Variants in LRRC1 observed in about 807,000 individuals in gnomAD.
LRRC1 encodes leucine-rich repeat-containing protein 1.
A neutral mutation model predicts 69.9 loss-of-function variants in LRRC1; 28 were observed. The ratio of observed to expected loss-of-function variants is 0.40; its 90% confidence interval spans 0.30 to 0.55. The LOEUF is 0.55. Among genes scored for constraint, LRRC1 ranks in the 20% least tolerant of loss-of-function variants. LRRC1 has a pLI of 0.47. For missense variants in LRRC1, 498 were observed against 609.0 expected (o/e 0.82, Z 1.92); for synonymous variants, 236 against 240.2 (o/e 0.98, Z 0.16).
chr6:53,839,260 G>A (rs376078065), intron 1 of LRRC1, among the ~76,000 whole-genome samples: 1 of 151,654 alleles, frequency 6.6e-6, no homozygotes, highest in African/African-American at 2.4e-5. Flanking sequence ...TTTCTTTTAC[G>A]TATTGCTCAA....
At chr6:53,819,589 G>A (rs1765056163) in intron 1 of LRRC1, among the ~76,000 whole-genome samples, 1 of 152,108 alleles carries the variant, frequency 6.6e-6, no homozygotes, top group South Asian at 2.1e-4. Flanking sequence ...CCACAGGATT[G>A]TAAAGTCAAT....
intron 7 of LRRC1, 116 bp downstream of exon 7, chr6:53,897,475 T>C (rs1206452561): frequency 1.5e-6 from 1 of 689,628 alleles, no homozygotes; most frequent in Admixed American, 3.2e-5. Context: ...CCAAAAACAT[T>C]GATTGAAAAG....
At position 53,853,199 on chromosome 6, in the gene LRRC1, T is replaced by C. The variant is rs185473283; in HGVS notation, c.277+10972T>C. Among the ~76,000 whole-genome samples, 17 of 152,126 alleles carry C rather than the reference T, an allele frequency of 1.1e-4. 1 individual carries two copies. The highest frequency in any genetic ancestry group is 9.8e-4 in the Admixed American group (15 of 15,276). On this transcript the variant is annotated intron_variant, in intron 2 of 13. Transcript: ENST00000370888. ...CCAAAGGCTATACCTTTTAATAGTATCACATTGGGCATTCATTTTGAACAG... is the reference window on the plus strand; with the variant it reads ...CCAAAGGCTATACCTTTTAATAGTACCACATTGGGCATTCATTTTGAACAG...
chr6:53,846,922 A>G (rs913212454), intron 2 of LRRC1, among the ~76,000 whole-genome samples: 1 of 152,230 alleles, frequency 6.6e-6, no homozygotes, highest in Non-Finnish European at 1.5e-5. Flanking sequence ...AGACTTTCTT[A>G]ATGCTTCATG....
chr6:53,854,531 T>C (rs1201761625), intron 2 of LRRC1, among the ~76,000 whole-genome samples: 4 of 152,208 alleles, frequency 2.6e-5, no homozygotes, highest in African/African-American at 9.6e-5. Flanking sequence ...TCTCATTTAA[T>C]CTTCAAACTG....
chr6:53,856,858 C>A (rs1766325374), intron 2 of LRRC1, among the ~76,000 whole-genome samples: 1 of 151,974 alleles, frequency 6.6e-6, no homozygotes, highest in Non-Finnish European at 1.5e-5. Context: ...GGGTGGAGGG[C>A]CTTGAGAGGG....
At chr6:53,840,869 TG>T (rs944313160) in intron 1 of LRRC1, among the ~76,000 whole-genome samples, 5 of 138,182 alleles carry the variant, frequency 3.6e-5, no homozygotes, top group African/African-American at 1.3e-4. Context: ...TCCTCTGGGG[TG>T]GGGGGGTATG....
At chr6:53,864,839 G>A (rs961521935) in intron 2 of LRRC1, among the ~76,000 whole-genome samples, 9 of 152,226 alleles carry the variant, frequency 5.9e-5, no homozygotes, top group Middle Eastern at 3.4e-3. Context: ...TACCACTTAT[G>A]TCTAAAGTGG....
chr6:53,876,373 C>G (rs1240887171), intron 2 of LRRC1, among the ~76,000 whole-genome samples: 1 of 152,142 alleles, frequency 6.6e-6, no homozygotes, highest in Non-Finnish European at 1.5e-5. Flanking sequence ...CAAACCATAT[C>G]ATTCTGCCCC....
At chr6:53,891,809 T>C (rs1208670862) in intron 4 of LRRC1, among the ~76,000 whole-genome samples, 1 of 151,954 alleles carries the variant, frequency 6.6e-6, no homozygotes, top group African/African-American at 2.4e-5. Context: ...CTGTCTGGTC[T>C]GGTGAAACCC....
chr6:53,921,283 G>T (rs540877869), intron 13 of LRRC1, among the ~76,000 whole-genome samples: 6 of 152,174 alleles, frequency 3.9e-5, no homozygotes, highest in African/African-American at 1.4e-4. Flanking sequence ...TTGTTGTGTT[G>T]TCCTGCTTTT....
chr6:53,918,167 T>C (rs1321183544), intron 11 of LRRC1, among the ~76,000 whole-genome samples: 1 of 152,246 alleles, frequency 6.6e-6, no homozygotes, highest in African/African-American at 2.4e-5. Flanking sequence ...AATCTTATAA[T>C]GTACAATTCA....
At chr6:53,864,257 C>T (rs1766623344) in intron 2 of LRRC1, among the ~76,000 whole-genome samples, 1 of 152,108 alleles carries the variant, frequency 6.6e-6, no homozygotes, top group African/African-American at 2.4e-5. Context: ...TCTTGTTCCC[C>T]TCCTCATAAC....
intron 2 of LRRC1, among the ~76,000 whole-genome samples, chr6:53,855,423 C>G (rs959072827): frequency 2.0e-5 from 3 of 152,208 alleles, no homozygotes; most frequent in African/African-American, 7.2e-5. Flanking sequence ...TAACTCAACA[C>G]AGGCCCAACA....
chr6:53,857,165 T>C (rs1766336931), intron 2 of LRRC1, among the ~76,000 whole-genome samples: 1 of 152,120 alleles, frequency 6.6e-6, no homozygotes. Context: ...GAGTCATCCA[T>C]CTGTCGGTGA....
chr6:53,801,471 T>C (rs1460877536), intron 1 of LRRC1, among the ~76,000 whole-genome samples: 1 of 152,228 alleles, frequency 6.6e-6, no homozygotes, highest in Non-Finnish European at 1.5e-5. Context: ...AAGTCAAAGC[T>C]TAGGGGAAAG....
chr6:53,819,695 A>G (rs1056207475), intron 1 of LRRC1, among the ~76,000 whole-genome samples: 2 of 152,178 alleles, frequency 1.3e-5, no homozygotes, highest in Admixed American at 1.3e-4. Flanking sequence ...CCTATTCTAT[A>G]TAAATTCATC....
intron 10 of LRRC1, among the ~76,000 whole-genome samples, chr6:53,911,549 C>T (rs1422877949): frequency 1.3e-5 from 2 of 152,126 alleles, no homozygotes; most frequent in African/African-American, 4.8e-5. Flanking sequence ...TCTGCTTTGC[C>T]CCCCTTGGGT....
Position 53,920,050 on chromosome 6 carries a change from A to T in LRRC1, c.1279+380A>T, listed in dbSNP as rs73432435. ...CCATTGAATTATTTTGAGTCATTGT[A>T]TCTTTGTTTTGTAAATTGTGTGGTT... is the stretch of plus-strand genomic sequence containing the variant. On this transcript the variant is annotated intron_variant, in intron 12 of 13. Transcript: ENST00000370888. Among the ~76,000 whole-genome samples the T allele has an allele frequency of 3.6e-3, 555 of 152,336 alleles. 4 individuals are homozygous for T. Among genetic ancestry groups the T allele is most frequent in the African/African-American group, 0.013 (538 of 41,584 alleles).
Sources: allele counts gnomAD v4.1 joint callset (sites outside exome capture counted in the v4.1 genomes callset), GRCh38; gene constraint gnomAD v4.1.1; transcripts MANE v1.5; gene names NCBI Gene and HGNC (gene_info 2026-07-23, HGNC 2026-07-21).